The following CERS6 variants were observed in gnomAD, a reference collection of about 807,000 sequenced individuals.
CERS6 encodes the protein ceramide synthase 6, also known as LAG1 homolog, ceramide synthase 6.
A neutral mutation model predicts 56.8 loss-of-function variants in CERS6; 26 were observed. The ratio of observed to expected loss-of-function variants is 0.46; its 90% CI spans 0.34 to 0.63. The LOEUF (loss-of-function observed/expected upper bound fraction) is 0.63. Ranked by LOEUF, CERS6 falls within the 30% of genes least tolerant of loss-of-function variation. The pLI, the probability that CERS6 is intolerant of heterozygous loss-of-function variation, is 0.01. For missense variants in CERS6, 415 were observed against 467.5 expected, an observed-to-expected ratio of 0.89 and a Z score of 1.04; for synonymous variants, 164 against 173.3, an observed-to-expected ratio of 0.95 and a Z score of 0.42.
chr2:168,543,611 C>T (rs138007392), intron 1 of CERS6, among the ~76,000 whole-genome samples: 35 of 152,158 alleles, frequency 2.3e-4, no homozygotes, highest in African/African-American at 8.4e-4. Context: ...GGAGAATAAA[C>T]ACAAAATTTA....
At position 168,676,726 on chromosome 2, in the gene CERS6, G is replaced by T. The variant is rs555146291; in HGVS notation, c.466-14308G>T. ...CTAGTTCAGCCTGCAACTCAAATGA[G>T]AATCACACAAGTTTCTTCCCGCCTT... On this transcript the variant is annotated intron_variant, in intron 4 of 9. Coordinates refer to ENST00000305747, the MANE Select transcript of CERS6 (RefSeq NM_203463.3). Among the ~76,000 whole-genome samples, 24 of 152,282 alleles carry T rather than the reference G, an allele frequency of 1.6e-4. No individual in the cohort carries two copies. In the South Asian group the frequency reaches 2.9e-3, roughly 18 times the overall value.
chr2:168,478,780 A>AT (rs1197778960), intron 1 of CERS6, among the ~76,000 whole-genome samples: 2 of 152,060 alleles, frequency 1.3e-5, no homozygotes, highest in African/African-American at 4.8e-5. Context: ...GACATCTCTT[A>AT]TTTGTTATCA....
intron 8 of CERS6, among the ~76,000 whole-genome samples, chr2:168,718,462 A>G (rs938016956): frequency 6.6e-6 from 1 of 152,148 alleles, no homozygotes; most frequent in Non-Finnish European, 1.5e-5. Context: ...AAGTCCTGGC[A>G]ATGTGTTTTA....
intron 4 of CERS6, among the ~76,000 whole-genome samples, chr2:168,637,732 T>C (rs1452565563): frequency 2.0e-5 from 3 of 152,188 alleles, no homozygotes; most frequent in Admixed American, 2.0e-4. Context: ...ATTCTTAAAA[T>C]ATTTAGTAGA....
At position 168,769,818 on chromosome 2, in the gene CERS6, CTG is replaced by C; in HGVS notation, c.*159_*160del. ...AATAGTGCACTGCCATGTGTCCTGTCTGTGAATGAAGAAGAATTACCATTCTC... is the reference window on the plus strand; with the variant it reads ...AATAGTGCACTGCCATGTGTCCTGTCTGAATGAAGAAGAATTACCATTCTC... On this transcript the variant is annotated 3_prime_UTR_variant, in exon 10 of 10. Transcript: ENST00000305747. 3.0e-6 allele frequency: 2 copies of C among 672,980 alleles called. No individual in the cohort carries two copies. Among genetic ancestry groups the C allele is most frequent in the Non-Finnish European group, 5.0e-6 (2 of 403,204 alleles). The allele number at this position is 672,980 out of a possible 1,614,324, so 41.7% of individuals were successfully genotyped here. A position where few individuals can be genotyped will look rare whatever the true frequency, so the allele number is the denominator to read the frequency against.
chr2:168,660,274 C>T (rs1369405245), intron 4 of CERS6, among the ~76,000 whole-genome samples: 1 of 152,218 alleles, frequency 6.6e-6, no homozygotes, highest in African/African-American at 2.4e-5. Context: ...TACCTCCAAT[C>T]TTCTGCCCTT....
At chr2:168,506,156 A>G (rs1040978062) in intron 1 of CERS6, among the ~76,000 whole-genome samples, 6 of 152,310 alleles carry the variant, frequency 3.9e-5, no homozygotes, top group African/African-American at 1.4e-4. Context: ...CTAGAGTTCT[A>G]AGGGTCTCTT....
chr2:168,708,547 T>A (rs1384737895), intron 6 of CERS6, among the ~76,000 whole-genome samples: 1 of 152,196 alleles, frequency 6.6e-6, no homozygotes, highest in African/African-American at 2.4e-5. Flanking sequence ...GCTCTTCTTC[T>A]GTTTCCTAGA....
At chr2:168,638,932 G>GCT (rs1052560200) in intron 4 of CERS6, among the ~76,000 whole-genome samples, 12 of 152,008 alleles carry the variant, frequency 7.9e-5, no homozygotes, top group African/African-American at 2.9e-4. Flanking sequence ...CTGAGTTCTT[G>GCT]CTCTTTTGTA....
chr2:168,610,609 C>T (rs1291083370), intron 3 of CERS6, among the ~76,000 whole-genome samples: 6 of 152,140 alleles, frequency 3.9e-5, no homozygotes, highest in African/African-American at 1.4e-4. Context: ...TGAATTTTCC[C>T]TATGAAAATT....
chr2:168,604,491 G>C (rs1684006234), intron 3 of CERS6, among the ~76,000 whole-genome samples: 1 of 152,012 alleles, frequency 6.6e-6, no homozygotes, highest in Non-Finnish European at 1.5e-5. Context: ...AAATAAGAAG[G>C]GTGATGTGGT....
intron 1 of CERS6, among the ~76,000 whole-genome samples, chr2:168,458,055 G>C (rs1487394699): frequency 6.6e-6 from 1 of 152,108 alleles, no homozygotes; most frequent in Non-Finnish European, 1.5e-5. Flanking sequence ...GGGTGTGTTT[G>C]CAGGTGTAGA....
At chr2:168,484,167 GTTTTTTTTTTTTTTTT>G (rs34492119) in intron 1 of CERS6, among the ~76,000 whole-genome samples, 66 of 51,614 alleles carry the variant, frequency 1.3e-3, no homozygotes, top group East Asian at 9.4e-3. Flanking sequence ...TCTTTTTTCT[GTTTTTTTTTTTTTTTT>G]TTTTTTTTTT....
In CERS6 at chr2:168,649,349, A is replaced by T. The variant is rs771204388; in HGVS notation, c.465+18307A>T. Among the ~76,000 whole-genome samples, 59 of 152,150 alleles carry T rather than the reference A, an allele frequency of 3.9e-4. 1 individual carries two copies. The highest frequency in any genetic ancestry group is 5.4e-4 in the Non-Finnish European group (37 of 68,020). ...TTCCTTATCCACATTCATCACTGTC[A>T]AATGGCCTCTCCTGGTAAAAATACT... is the stretch of plus-strand genomic sequence containing the variant. On this transcript the variant is annotated intron_variant, in intron 4 of 9. Transcript: ENST00000305747.
intron 1 of CERS6, among the ~76,000 whole-genome samples, chr2:168,514,657 G>C (rs1418827189): frequency 6.6e-6 from 1 of 152,178 alleles, no homozygotes; most frequent in Admixed American, 6.5e-5. Context: ...AGAAGAACCT[G>C]CCTCCCTTGG....
chr2:168,751,979 T>C (rs1684282905), intron 8 of CERS6, among the ~76,000 whole-genome samples: 1 of 152,216 alleles, frequency 6.6e-6, no homozygotes, highest in South Asian at 2.1e-4. Context: ...CTGAGTCTCC[T>C]ACAGTTATTT....
At chr2:168,693,364 T>C (rs1686554117) in intron 5 of CERS6, among the ~76,000 whole-genome samples, 1 of 152,164 alleles carries the variant, frequency 6.6e-6, no homozygotes, top group Non-Finnish European at 1.5e-5. Context: ...GTAATTATTA[T>C]AATGGGATGA....
At chr2:168,476,860 A>G (rs1288386357) in intron 1 of CERS6, among the ~76,000 whole-genome samples, 2 of 152,118 alleles carry the variant, frequency 1.3e-5, no homozygotes, top group East Asian at 3.8e-4. Flanking sequence ...TCAGAGTCAC[A>G]TACTAATCTC....
intron 4 of CERS6, among the ~76,000 whole-genome samples, chr2:168,677,699 G>A (rs1016593211): frequency 6.6e-6 from 1 of 152,078 alleles, no homozygotes; most frequent in African/African-American, 2.4e-5. Context: ...GTTTCTCTAT[G>A]TTGGTCAGGC....
Sources: gnomAD v4.1 joint callset for allele counts (sites outside exome capture counted in the v4.1 genomes callset) on GRCh38, gnomAD v4.1.1 for gene constraint, MANE v1.5 for transcripts, NCBI Gene and HGNC (gene_info 2026-07-23, HGNC 2026-07-21) for gene names.